Variants in MED27 observed in about 807,000 individuals in gnomAD.
MED27 encodes the protein mediator complex subunit 27, also known as mediator of RNA polymerase II transcription subunit 27.
A neutral mutation model predicts 38.2 loss-of-function variants in MED27; 30 were observed. The ratio of observed to expected loss-of-function variants is 0.79; its 90% confidence interval spans 0.59 to 1.07. The LOEUF is 1.07. Among genes scored for constraint, MED27 ranks in the 50% least tolerant of loss-of-function variants. MED27 has a pLI of 0.00. For synonymous variants in MED27, 122 were observed against 153.5 expected, an observed-to-expected ratio of 0.79 and a Z score of 1.52; for missense variants, 289 against 397.5, an observed-to-expected ratio of 0.73 and a Z score of 2.32.
intron 3 of MED27, among the ~76,000 whole-genome samples, chr9:131,994,767 C>G (rs1382471082): frequency 6.6e-6 from 1 of 152,170 alleles, no homozygotes; most frequent in Non-Finnish European, 1.5e-5. Context: ...AGGGCAAGTT[C>G]TCTTGCCCTT....
chr9:132,053,935 A>G (rs1833518112), intron 2 of MED27, among the ~76,000 whole-genome samples: 1 of 151,922 alleles, frequency 6.6e-6, no homozygotes, highest in Non-Finnish European at 1.5e-5. Flanking sequence ...TATGCAAATT[A>G]TAAACAAAAT....
At chr9:132,028,872 C>T (rs1295233813) in intron 2 of MED27, among the ~76,000 whole-genome samples, 2 of 152,134 alleles carry the variant, frequency 1.3e-5, no homozygotes, top group Non-Finnish European at 2.9e-5. Flanking sequence ...GTAACAAGCA[C>T]CCCCAGGCAG....
rs1053531417 is a variant in MED27, at chr9:131,889,936, G to A, written c.681+3949C>T. 2.0e-5 allele frequency among the ~76,000 whole-genome samples: 3 copies of A among 152,164 alleles called. No homozygotes were observed. The highest frequency in any genetic ancestry group is 6.5e-5 in the Admixed American group (1 of 15,286). The stretch of plus-strand genomic sequence containing the variant: ...CACCAACTCAGCAAACGCAGGCTGC[G>A]TCCCGGGAGCAGCGACGTCTCCAGC... On this transcript the variant is annotated intron_variant, in intron 5 of 7. Coordinates refer to ENST00000292035, the MANE Select transcript of MED27 (RefSeq NM_004269.4). The surrounding 1 kb of genome is among the most constrained non-coding windows in gnomAD (Gnocchi z 4.2).
At chr9:131,893,780 T>C in intron 5 of MED27, 105 bp downstream of exon 5, 2 of 763,414 alleles carry the variant, frequency 2.6e-6, no homozygotes, top group Non-Finnish European at 2.3e-6. Flanking sequence ...TTGCTGATCA[T>C]TTCCGCTATG....
intron 2 of MED27, among the ~76,000 whole-genome samples, chr9:132,052,140 G>A (rs1267899636): frequency 6.6e-6 from 1 of 152,088 alleles, no homozygotes; most frequent in Non-Finnish European, 1.5e-5. Flanking sequence ...GGGGGAAAAC[G>A]GCACCAGCAG....
intron 3 of MED27, among the ~76,000 whole-genome samples, chr9:131,965,612 T>A (rs761038482): frequency 6.6e-6 from 1 of 152,204 alleles, no homozygotes; most frequent in South Asian, 2.1e-4. Flanking sequence ...CTGTCACTTA[T>A]GGTTCAGAGC....
At chr9:132,073,886 T>C (rs1385483810) in intron 2 of MED27, 1 of 1,136,858 alleles carries the variant, frequency 8.8e-7, no homozygotes. Context: ...GCGGACGTCT[T>C]AGTCTGCTTT....
chr9:132,002,156 G>C (rs544773009), intron 3 of MED27, among the ~76,000 whole-genome samples: 171 of 152,278 alleles, frequency 1.1e-3, no homozygotes, highest in Middle Eastern at 6.8e-3. Flanking sequence ...CCTGAGCTCA[G>C]AGCGTAACTG....
intron 3 of MED27, among the ~76,000 whole-genome samples, chr9:132,012,863 G>A (rs142689452): frequency 6.6e-6 from 1 of 152,230 alleles, no homozygotes; most frequent in African/African-American, 2.4e-5. Flanking sequence ...TATATCCTTG[G>A]GGCCTAGAAA....
At chr9:131,880,983 A>T (rs1839026592) in intron 6 of MED27, among the ~76,000 whole-genome samples, 1 of 151,886 alleles carries the variant, frequency 6.6e-6, no homozygotes, top group East Asian at 1.9e-4. Context: ...GAAATGGACC[A>T]TTGTTAAATA....
chr9:131,996,489 G>A (rs554638889), intron 3 of MED27, among the ~76,000 whole-genome samples: 2 of 152,188 alleles, frequency 1.3e-5, no homozygotes, highest in African/African-American at 2.4e-5. Flanking sequence ...TTGATCCCAC[G>A]AAGCTTCTAA....
chr9:132,034,572 C>T (rs1230076922), intron 2 of MED27, among the ~76,000 whole-genome samples: 3 of 152,212 alleles, frequency 2.0e-5, no homozygotes, highest in African/African-American at 7.2e-5. Flanking sequence ...GTAGCTAAAA[C>T]TGAGCACGTG....
At chr9:131,938,656 A>G (rs1053717629) in intron 4 of MED27, among the ~76,000 whole-genome samples, 6 of 152,324 alleles carry the variant, frequency 3.9e-5, no homozygotes, top group Middle Eastern at 3.4e-3. Context: ...TCAGTCTCAG[A>G]ACACTTTCTT....
rs1589260291 is a variant in MED27, at chr9:132,003,472, ACACTAAGGGCCACAAGGGG to A, written c.479+10846_479+10864del. Among the ~76,000 whole-genome samples, 1 of 152,198 alleles carries A rather than the reference ACACTAAGGGCCACAAGGGG, an allele frequency of 6.6e-6. No individual in the cohort carries two copies. The highest frequency in any genetic ancestry group is 1.9e-4 in the East Asian group (1 of 5,198). ...AGAGTGAGGCCAGGATCAGAACCAG[ACACTAAGGGCCACAAGGGG>A]CACGTGACAGTTGGGCCTGAAGGGT... On this transcript the variant is annotated intron_variant, in intron 3 of 7. Coordinates refer to ENST00000292035, the MANE Select transcript of MED27 (RefSeq NM_004269.4). This position sits in a 1 kb window ranked among gnomAD's most constrained non-coding sequence, Gnocchi z 4.2.
Position 132,037,344 on chromosome 9 carries a change from A to T in MED27, c.349-22877T>A, listed in dbSNP as rs147079129. ...GATTTAATGCTCCCTATCAGGATGA[A>T]AGCATGGACAGTAATAGTCGCATAT... is the stretch of plus-strand genomic sequence containing the variant. On this transcript the variant is annotated intron_variant, in intron 2 of 7. Transcript: ENST00000292035. Among the ~76,000 whole-genome samples, 225 of 152,316 alleles carry T rather than the reference A, an allele frequency of 1.5e-3. 1 individual carries two copies. Among genetic ancestry groups the T allele is most frequent in the African/African-American group, 5.3e-3 (219 of 41,572 alleles).
At chr9:132,048,276 GA>G (rs909502518) in intron 2 of MED27, among the ~76,000 whole-genome samples, 18 of 148,786 alleles carry the variant, frequency 1.2e-4, no homozygotes, top group South Asian at 4.3e-4. Flanking sequence ...CTCAGGAATG[GA>G]AAAAAAAAAT....
chr9:131,996,476 A>T (rs932396787), intron 3 of MED27, among the ~76,000 whole-genome samples: 1 of 152,166 alleles, frequency 6.6e-6, no homozygotes, highest in Non-Finnish European at 1.5e-5. Context: ...GCTATAGTTG[A>T]TCTTGATCCC....
At chr9:132,070,418 G>A (rs553026743) in intron 2 of MED27, among the ~76,000 whole-genome samples, 53 of 152,222 alleles carry the variant, frequency 3.5e-4, no homozygotes, top group African/African-American at 1.3e-3. Context: ...TTAGCTGGGC[G>A]TGGGTGTGCA....
rs1832641083 is a variant in MED27, at chr9:132,017,987, T to C, written c.349-3520A>G. Among the ~76,000 whole-genome samples, 4 of 152,358 alleles carry C rather than the reference T, an allele frequency of 2.6e-5. No homozygotes were observed. The South Asian group carries it at 8.3e-4, about 32-fold the overall frequency. On this transcript the variant is annotated intron_variant, in intron 2 of 7. Transcript: ENST00000292035. ...GGCTCCAAGTTGTCAGGCAGGGTCCTGACGAAATGTAAGTGGGAGAGGAAG... is the reference window on the plus strand; with the variant it reads ...GGCTCCAAGTTGTCAGGCAGGGTCCCGACGAAATGTAAGTGGGAGAGGAAG...
Sources: allele counts gnomAD v4.1 joint callset (sites outside exome capture counted in the v4.1 genomes callset), GRCh38; gene constraint gnomAD v4.1.1; non-coding constraint Gnocchi (gnomAD v3.1); transcripts MANE v1.5; gene names NCBI Gene and HGNC (gene_info 2026-07-23, HGNC 2026-07-21).